The following TET1 variants were observed in gnomAD, a reference collection of about 807,000 sequenced individuals.
TET1 encodes the protein tet methylcytosine dioxygenase 1, also known as methylcytosine dioxygenase TET1.
TET1 carries 13 observed loss-of-function variants against 148.7 expected under a neutral mutation model. That is an observed-to-expected ratio of 0.09 (90% CI 0.06 to 0.14). TET1 has a LOEUF of 0.14. Among genes scored for constraint, TET1 ranks in the 10% least tolerant of loss-of-function variants. The pLI, the probability that TET1 is intolerant of heterozygous loss-of-function variation, is 1.00. For synonymous variants in TET1, 907 were observed against 937.2 expected, an observed-to-expected ratio of 0.97 and a Z score of 0.59; for missense variants, 2,182 against 2,553.8, an observed-to-expected ratio of 0.85 and a Z score of 3.14.
chr10:68,646,764 C>T lies in TET1; in HGVS notation c.4035C>T (p.Pro1345=), dbSNP rs554335869. ...PTLPGISHET[P]LPESALTLRN... ...TGCCTGGTATCTCTCATGAAACACC[C>T]TTACCGGAGTCAGCACTAACTCTCA... Residue 1345 remains proline, a synonymous_variant, in exon 4 of 12, where the codon CCC becomes CCT. Coordinates refer to ENST00000373644, the MANE Select transcript of TET1 (RefSeq NM_030625.3). The T allele has an allele frequency of 3.7e-6, 6 of 1,614,156 alleles. No individual in the cohort carries two copies. In the Admixed American group the frequency reaches 5.0e-5, roughly 13 times the overall value.
At chr10:68,630,988 G>T (rs1330829893) in intron 3 of TET1, among the ~76,000 whole-genome samples, 1 of 151,946 alleles carries the variant, frequency 6.6e-6, no homozygotes, top group African/African-American at 2.4e-5. Context: ...ACCAGCGTGG[G>T]CAACATAATG....
At chr10:68,651,323 G>A (rs1288912898) in intron 4 of TET1, among the ~76,000 whole-genome samples, 4 of 152,172 alleles carry the variant, frequency 2.6e-5, no homozygotes, top group Admixed American at 6.5e-5. Context: ...GCGTGGTGGC[G>A]GGTGCCTATA....
intron 9 of TET1, among the ~76,000 whole-genome samples, chr10:68,682,093 CTT>C (rs386371716): frequency 2.1e-4 from 14 of 67,070 alleles, no homozygotes; most frequent in African/African-American, 5.5e-4. Flanking sequence ...TTGATCTACT[CTT>C]TTTTTTTTTT....
chr10:68,612,290 A>G (rs758650304), intron 3 of TET1, among the ~76,000 whole-genome samples: 1 of 152,040 alleles, frequency 6.6e-6, no homozygotes, highest in African/African-American at 2.4e-5. Context: ...AGGTTTCACC[A>G]TGTTGGCCAG....
intron 3 of TET1, among the ~76,000 whole-genome samples, chr10:68,624,663 TCTCTCTCTC>T (rs1564975137): frequency 0.028 from 2,686 of 95,404 alleles, 56 homozygotes; most frequent in Non-Finnish European, 0.03. Context: ...TTTCTTTCTC[TCTCTCTCTC>T]TCTCTCTCTC....
intron 3 of TET1, among the ~76,000 whole-genome samples, chr10:68,605,704 G>A (rs1383576378): frequency 1.3e-5 from 2 of 152,084 alleles, no homozygotes; most frequent in African/African-American, 2.4e-5. Flanking sequence ...TAGTAGAGAC[G>A]AGGTTTTGCC....
At chr10:68,583,064 G>C (rs911645897) in intron 2 of TET1, among the ~76,000 whole-genome samples, 2 of 152,114 alleles carry the variant, frequency 1.3e-5, no homozygotes, top group African/African-American at 4.8e-5. Context: ...TCTTTTCCAG[G>C]AAGAAAAATT....
intron 1 of TET1, among the ~76,000 whole-genome samples, chr10:68,565,475 A>AAAAAAATATAT (rs1388182777): frequency 3.9e-5 from 5 of 129,232 alleles, no homozygotes; most frequent in Admixed American, 8.4e-5. Flanking sequence ...AAAAAAAAAA[A>AAAAAAATATAT]ATATATATAT....
chr10:68,681,107 AAAAC>A (rs2055429882), intron 8 of TET1, among the ~76,000 whole-genome samples: 1 of 152,260 alleles, frequency 6.6e-6, no homozygotes, highest in East Asian at 1.9e-4. Context: ...GAATAAATAT[AAAAC>A]ATAGCTCTCA....
intron 3 of TET1, among the ~76,000 whole-genome samples, chr10:68,618,383 G>A (rs2054325649): frequency 1.3e-5 from 2 of 152,146 alleles, no homozygotes; most frequent in South Asian, 2.1e-4. Flanking sequence ...AGAATTCCAC[G>A]GGAATGTGAC....
intron 10 of TET1, 32 bp from the exon 11 acceptor site, chr10:68,686,324 T>A: frequency 1.3e-6 from 2 of 1,541,778 alleles, no homozygotes; most frequent in Non-Finnish European, 1.8e-6. Flanking sequence ...GACCCGTATA[T>A]CTTTCCCATT....
chr10:68,629,118 A>T (rs2054531006), intron 3 of TET1, among the ~76,000 whole-genome samples: 1 of 152,102 alleles, frequency 6.6e-6, no homozygotes, highest in Non-Finnish European at 1.5e-5. Context: ...GAATCTCAGC[A>T]CTTGGGAAGC....
In TET1 at chr10:68,694,201, T is replaced by C. The variant is rs1477549744; in HGVS notation, c.*2387T>C. On this transcript the variant is annotated 3_prime_UTR_variant, in exon 12 of 12. Transcript: ENST00000373644. ...ACCAAAACAAGTATTTGAAAATATA[T>C]AGTATCAACTGAAATGTTTCCATTC... 4.3e-6 allele frequency: 1 copy of C among 232,592 alleles called. No homozygotes were observed. The highest frequency in any genetic ancestry group is 2.2e-5 in the African/African-American group (1 of 45,324). 14.4% of individuals were successfully genotyped at this position (232,592 alleles called of 1,614,324 possible). A position where few individuals can be genotyped will look rare whatever the true frequency, so the allele number is the denominator to read the frequency against.
Position 68,573,996 on chromosome 10 carries a change from C to A in TET1, c.1658C>A (p.Thr553Lys). ...RGSSQVSVTS[T>K]VHVVNTTVVT... Reference sequence around the variant, plus strand: ...AGCTCCCAGGTCAGTGTAACCAGCACAGTTCATGTTGTCAACACCACAGTG... The same window carrying A: ...AGCTCCCAGGTCAGTGTAACCAGCAAAGTTCATGTTGTCAACACCACAGTG... Residue 553 changes from threonine (T) to lysine (K), a missense_variant, in exon 2 of 12, where the codon ACA (threonine) becomes AAA (lysine). This residue lies in a region of TET1 where 665 missense variants were observed against 672.4 expected (regional missense o/e 0.99). Transcript: ENST00000373644. The A allele has an allele frequency of 1.9e-6, 3 of 1,614,170 alleles. No individual in the cohort carries two copies. Among genetic ancestry groups the A allele is most frequent in the Non-Finnish European group, 2.5e-6 (3 of 1,180,032 alleles).
At chr10:68,621,376 G>C (rs1467494955) in intron 3 of TET1, among the ~76,000 whole-genome samples, 1 of 152,088 alleles carries the variant, frequency 6.6e-6, no homozygotes, top group African/African-American at 2.4e-5. Context: ...CTGAGCTCAG[G>C]AGTTTGAGAC....
In TET1 at chr10:68,634,076, G is replaced by C. The variant is rs1199694955; in HGVS notation, c.1969-10622G>C. ...ATTTTTAAATTTTTTGTAGATACGGGGTTTCACCATGTTGCCTAGACTGTT... is the reference window on the plus strand; with the variant it reads ...ATTTTTAAATTTTTTGTAGATACGGCGTTTCACCATGTTGCCTAGACTGTT... On this transcript the variant is annotated intron_variant, in intron 3 of 11. Coordinates refer to ENST00000373644, the MANE Select transcript of TET1 (RefSeq NM_030625.3). 7.2e-5 allele frequency among the ~76,000 whole-genome samples: 11 copies of C among 152,018 alleles called. 1 individual carries two copies. Among genetic ancestry groups the C allele is most frequent in the Admixed American group, 7.2e-4 (11 of 15,242 alleles).
intron 6 of TET1, among the ~76,000 whole-genome samples, chr10:68,662,490 ATTTC>A (rs139797423): frequency 0.18 from 27,505 of 151,728 alleles, 3,069 homozygotes; most frequent in African/African-American, 0.31. Flanking sequence ...ATTAATTTTT[ATTTC>A]TTCCATGAAT....
At chr10:68,654,106 CAAAA>C (rs66890965) in intron 6 of TET1, among the ~76,000 whole-genome samples, 1 of 85,036 alleles carries the variant, frequency 1.2e-5, no homozygotes, top group African/African-American at 4.8e-5. Flanking sequence ...AAAATGTCTC[CAAAA>C]AAAAAAAAAA....
chr10:68,656,568 G>A (rs1046725724), intron 6 of TET1, among the ~76,000 whole-genome samples: 10 of 152,158 alleles, frequency 6.6e-5, no homozygotes, highest in African/African-American at 1.9e-4. Flanking sequence ...CAGAAAAATC[G>A]TAATGTTAGT....
Sources: gnomAD v4.1 joint callset for allele counts (sites outside exome capture counted in the v4.1 genomes callset) on GRCh38, gnomAD v4.1.1 for gene constraint, gnomAD v4.1.1 regional missense constraint, MANE v1.5 for transcripts, NCBI Gene and HGNC (gene_info 2026-07-23, HGNC 2026-07-21) for gene names.